Variants in TLN2 observed in about 807,000 individuals in gnomAD.
The protein encoded by TLN2 is talin 2.
In TLN2, 118 loss-of-function variants were observed where a neutral mutation model predicts 294.7. The ratio of observed to expected loss-of-function variants is 0.40; its 90% CI spans 0.34 to 0.47. The LOEUF (loss-of-function observed/expected upper bound fraction) is 0.47. Among genes scored for constraint, TLN2 ranks in the 20% least tolerant of loss-of-function variants. TLN2 has a pLI of 0.84. For synonymous variants in TLN2, 1,431 were observed against 1,304.5 expected (o/e 1.10, Z -2.09); for missense variants, 3,083 against 3,282.2 (o/e 0.94, Z 1.48).
intron 1 of TLN2, among the ~76,000 whole-genome samples, chr15:62,513,775 A>C (rs2040049520): frequency 6.6e-6 from 1 of 152,204 alleles, no homozygotes; most frequent in South Asian, 2.1e-4. Context: ...GAAGTTCTAC[A>C]CAAAATTGGT....
intron 1 of TLN2, among the ~76,000 whole-genome samples, chr15:62,536,198 A>G (rs1309480395): frequency 6.6e-6 from 1 of 152,224 alleles, no homozygotes; most frequent in Non-Finnish European, 1.5e-5. Context: ...GCTGCACAGT[A>G]GAATCACCGG....
chr15:62,424,252 G>A (rs755332896), intron 1 of TLN2, among the ~76,000 whole-genome samples: 9 of 152,202 alleles, frequency 5.9e-5, no homozygotes, highest in Admixed American at 1.3e-4. Flanking sequence ...GAGCCCACTC[G>A]TGTCATGATT....
At chr15:62,503,764 T>C (rs1489791724) in intron 1 of TLN2, among the ~76,000 whole-genome samples, 1 of 152,222 alleles carries the variant, frequency 6.6e-6, no homozygotes, top group African/African-American at 2.4e-5. Flanking sequence ...TTTCTTCTCA[T>C]TCCTCTCCGT....
chr15:62,838,630 C>T (rs533956945), intron 57 of TLN2, among the ~76,000 whole-genome samples: 1 of 152,248 alleles, frequency 6.6e-6, no homozygotes, highest in South Asian at 2.1e-4. Flanking sequence ...TTGGGGGTAA[C>T]AGGCACTTTG....
Position 62,800,348 on chromosome 15 carries a change from A to C in TLN2, c.6235-20A>C. 1 of 1,611,436 alleles carries C rather than the reference A, an allele frequency of 6.2e-7. No homozygotes were observed. ...TGACATCTTGACGCCTGCTCACCTG[A>C]GTTCTGTGCTCTCTTTCAGGTGGTT... On this transcript the variant is annotated intron_variant, in intron 48 of 58. Transcript: ENST00000636159.
intron 1 of TLN2, among the ~76,000 whole-genome samples, chr15:62,550,352 G>A (rs890117123): frequency 3.3e-5 from 5 of 152,180 alleles, no homozygotes; most frequent in African/African-American, 9.7e-5. Flanking sequence ...TCATGCAGCC[G>A]AAAATTCAGG....
At chr15:62,692,675 G>T (rs11630525) in intron 12 of TLN2, among the ~76,000 whole-genome samples, 165 bp from the exon 13 acceptor site, 2 of 152,066 alleles carry the variant, frequency 1.3e-5, no homozygotes, top group African/African-American at 4.8e-5. Context: ...CTCTTTTACC[G>T]TTGTTGAATA....
chr15:62,585,784 T>C (rs1350596915), intron 1 of TLN2, among the ~76,000 whole-genome samples: 1 of 152,204 alleles, frequency 6.6e-6, no homozygotes, highest in Non-Finnish European at 1.5e-5. Flanking sequence ...AATAGGCATT[T>C]TAAACAGGTA....
intron 3 of TLN2, chr15:62,644,437 C>T: frequency 2.2e-6 from 1 of 454,286 alleles, no homozygotes; most frequent in South Asian, 1.6e-5. Flanking sequence ...TTTCTAGCCC[C>T]TCCCACCCAG....
rs747836269 is a variant in TLN2, at chr15:62,698,850, C to T, written c.1570C>T (p.Pro524Ser). The T allele has an allele frequency of 1.2e-6, 2 of 1,612,868 alleles. No homozygotes were observed. Among genetic ancestry groups the T allele is most frequent in the Non-Finnish European group, 8.5e-7 (1 of 1,179,984 alleles). ...DDLSELDSLP[P>S]LGQDMASRVW... is the part of the protein sequence containing the mutation. The stretch of plus-strand genomic sequence containing the variant: ...TCTCAGTGAGCTCGACTCGCTGCCA[C>T]CTCTCGGCCAGGATATGGTAAATAC... Residue 524 changes from proline (P) to serine (S), a missense_variant, in exon 16 of 59, where the codon CCT (proline) becomes TCT (serine). Coordinates refer to ENST00000636159, the MANE Select transcript of TLN2 (RefSeq NM_015059.3).
intron 3 of TLN2, among the ~76,000 whole-genome samples, chr15:62,630,118 G>A (rs1461601048): frequency 8.1e-6 from 1 of 123,362 alleles, no homozygotes; most frequent in Admixed American, 9.2e-5. Context: ...GTCACAGGTA[G>A]CCTTTCTGTA....
Position 62,708,762 on chromosome 15 carries a change from C to T in TLN2, c.2433C>T (p.Val811=), listed in dbSNP as rs748893786. Residue 811 remains valine, a synonymous_variant, in exon 21 of 59, where the codon GTC becomes GTT. Transcript: ENST00000636159. ...AGGCTACTGACACCATCATGTGTGTCACCGAGAGCATCTTCAGCTCCATGG... is the reference window on the plus strand; with the variant it reads ...AGGCTACTGACACCATCATGTGTGTTACCGAGAGCATCTTCAGCTCCATGG... The part of the protein sequence containing the change: ...YDQATDTIMC[V]TESIFSSMGD... 4 of 1,606,790 alleles carry T rather than the reference C, an allele frequency of 2.5e-6. No homozygotes were observed. Among genetic ancestry groups the T allele is most frequent in the Non-Finnish European group, 3.4e-6 (4 of 1,179,920 alleles).
intron 12 of TLN2, among the ~76,000 whole-genome samples, chr15:62,690,647 G>T (rs1383297944): frequency 6.7e-6 from 1 of 148,480 alleles, no homozygotes; most frequent in African/African-American, 2.6e-5. Context: ...GGCACTTTGG[G>T]AGGCCAAGGC....
chr15:62,748,282 T>C, intron 32 of TLN2, 69 bp from the exon 33 acceptor site: 1 of 1,193,966 alleles, frequency 8.4e-7, no homozygotes, highest in Non-Finnish European at 1.2e-6. Context: ...CTGGTGAGCC[T>C]GCAAAGCATT....
intron 40 of TLN2, among the ~76,000 whole-genome samples, chr15:62,764,249 G>C (rs542059651): frequency 1.3e-5 from 2 of 152,106 alleles, no homozygotes; most frequent in Non-Finnish European, 2.9e-5. Context: ...GTTTAAAATG[G>C]AATTTTCCTG....
chr15:62,747,886 C>T (rs1438138082), intron 32 of TLN2, among the ~76,000 whole-genome samples: 2 of 152,130 alleles, frequency 1.3e-5, no homozygotes, highest in Non-Finnish European at 2.9e-5. Flanking sequence ...ATGTACTTTT[C>T]ACTAAGTGGA....
At chr15:62,791,260 CAGG>C (rs2065057962) in intron 45 of TLN2, among the ~76,000 whole-genome samples, 1 of 152,006 alleles carries the variant, frequency 6.6e-6, no homozygotes, top group Non-Finnish European at 1.5e-5. Flanking sequence ...GAGGCTGAGG[CAGG>C]AGAATGCTTG....
chr15:62,769,579 A>G (rs2063224560), intron 41 of TLN2, among the ~76,000 whole-genome samples: 1 of 152,246 alleles, frequency 6.6e-6, no homozygotes, highest in Admixed American at 6.5e-5. Flanking sequence ...TTGTTGGCCA[A>G]TAATCATGTC....
rs374077023 is a variant in TLN2 at position 62,843,159 on chromosome 15, A to G, written c.*2549A>G. 6.6e-6 allele frequency: 1 copy of G among 152,122 alleles called. No individual in the cohort carries two copies. Among genetic ancestry groups the G allele is most frequent in the East Asian group, 1.9e-4 (1 of 5,198 alleles). 9.4% of individuals were successfully genotyped at this position (152,122 alleles called of 1,614,324 possible). A position where few individuals can be genotyped will look rare whatever the true frequency, so the allele number is the denominator to read the frequency against. The stretch of plus-strand genomic sequence containing the variant: ...CCCCAGGTCTGGAGCATAGAAGTGT[A>G]TCTCTGTGAAGAGAGAGCCGGTGTG... On this transcript the variant is annotated 3_prime_UTR_variant, in exon 59 of 59. Transcript: ENST00000636159.
Sources: allele counts gnomAD v4.1 joint callset (sites outside exome capture counted in the v4.1 genomes callset), GRCh38; gene constraint gnomAD v4.1.1; transcripts MANE v1.5; gene names NCBI Gene and HGNC (gene_info 2026-07-23, HGNC 2026-07-21).